The following SORBS2 variants were observed in gnomAD, a reference collection of about 807,000 sequenced individuals.
SORBS2 encodes the protein sorbin and SH3 domain-containing protein 2.
In SORBS2, 46 loss-of-function variants were observed where a neutral mutation model predicts 97.7. The observed-to-expected ratio is 0.47, with a 90% confidence interval of 0.37 to 0.60. The LOEUF is 0.60. SORBS2 is among the 20% of genes least tolerant of loss of function. The pLI is 0.00. For synonymous variants in SORBS2, 476 were observed against 473.4 expected (o/e 1.01, Z -0.07); for missense variants, 1,316 against 1,282.3 (o/e 1.03, Z -0.40).
intron 1 of SORBS2, among the ~76,000 whole-genome samples, chr4:185,801,492 CT>C (rs34002834): frequency 6.6e-6 from 1 of 152,118 alleles, no homozygotes; most frequent in Admixed American, 6.5e-5. Context: ...TATCTTTTGA[CT>C]TTTTGGTGAT....
intron 1 of SORBS2, among the ~76,000 whole-genome samples, chr4:185,797,773 C>T (rs1157483511): frequency 1.3e-5 from 2 of 152,182 alleles, no homozygotes; most frequent in African/African-American, 4.8e-5. Flanking sequence ...CATGCCCCCA[C>T]ACCACCCCAC....
chr4:185,758,838 G>A (rs778149195), intron 2 of SORBS2, among the ~76,000 whole-genome samples: 35 of 152,288 alleles, frequency 2.3e-4, no homozygotes, highest in Non-Finnish European at 4.6e-4. Context: ...GTAACCCTAT[G>A]GGCAACCCCC....
At chr4:185,784,706 G>A (rs1026767274) in intron 1 of SORBS2, among the ~76,000 whole-genome samples, 8 of 152,000 alleles carry the variant, frequency 5.3e-5, no homozygotes, top group East Asian at 1.9e-4. Context: ...CCGGCTGAAC[G>A]ACAGCAATAA....
At chr4:185,600,344 C>T (rs10049678) in intron 12 of SORBS2, among the ~76,000 whole-genome samples, 47,537 of 151,872 alleles carry the variant, frequency 0.31, 10,387 homozygotes, top group African/African-American at 0.62. Context: ...CTTTTTTTGT[C>T]TTTTATTTTT....
At chr4:185,741,207 G>A (rs141896854) in intron 2 of SORBS2, among the ~76,000 whole-genome samples, 2 of 151,902 alleles carry the variant, frequency 1.3e-5, no homozygotes, top group African/African-American at 4.8e-5. Flanking sequence ...CAGTAAAGAG[G>A]GGCATCGTTA....
At chr4:185,754,430 T>C (rs2098819039) in intron 2 of SORBS2, among the ~76,000 whole-genome samples, 1 of 152,134 alleles carries the variant, frequency 6.6e-6, no homozygotes, top group South Asian at 2.1e-4. Flanking sequence ...GCTATCAATC[T>C]ATCTATATAA....
intron 1 of SORBS2, among the ~76,000 whole-genome samples, chr4:185,828,577 C>T (rs147294470): frequency 1.3e-5 from 2 of 152,134 alleles, no homozygotes; most frequent in Middle Eastern, 3.4e-3. Flanking sequence ...CAGAGTTTCC[C>T]TGACAGGTAG....
chr4:185,822,773 T>C (rs2099197525), intron 1 of SORBS2, among the ~76,000 whole-genome samples: 1 of 152,180 alleles, frequency 6.6e-6, no homozygotes, highest in Non-Finnish European at 1.5e-5. Context: ...CTGCAAACCA[T>C]GCCCCTTGCC....
intron 11 of SORBS2, among the ~76,000 whole-genome samples, chr4:185,613,451 C>T (rs921994642): frequency 6.6e-6 from 1 of 152,048 alleles, no homozygotes; most frequent in Non-Finnish European, 1.5e-5. Context: ...AGTTCGAGAC[C>T]AGCCTGGCCA....
At chr4:185,865,114 A>T (rs1279593936) in intron 1 of SORBS2, among the ~76,000 whole-genome samples, 1 of 152,098 alleles carries the variant, frequency 6.6e-6, no homozygotes, top group Non-Finnish European at 1.5e-5. Flanking sequence ...TACCATGGGC[A>T]TCTTTCTGTT....
chr4:185,695,254 T>C (rs1038118264), intron 2 of SORBS2, among the ~76,000 whole-genome samples: 10 of 152,132 alleles, frequency 6.6e-5, no homozygotes, highest in Admixed American at 6.5e-4. Context: ...TTCCCCAGTT[T>C]TGGCTAAGAA....
At chr4:185,766,706 A>G (rs535269012) in intron 2 of SORBS2, among the ~76,000 whole-genome samples, 3 of 152,338 alleles carry the variant, frequency 2.0e-5, no homozygotes, top group African/African-American at 7.2e-5. Context: ...CGAATTTTTT[A>G]GGTTTGCAAA....
intron 1 of SORBS2, among the ~76,000 whole-genome samples, chr4:185,846,351 T>G (rs559475333): frequency 1.4e-4 from 21 of 152,212 alleles, no homozygotes; most frequent in South Asian, 8.3e-4. Flanking sequence ...AAAATAAAAC[T>G]ATAGGGACAG....
In SORBS2 at chr4:185,605,407, C is replaced by T. The variant is rs188561705; in HGVS notation, c.2796+6373G>A. 6.2e-3 allele frequency among the ~76,000 whole-genome samples: 951 copies of T among 152,260 alleles called. 13 individuals carry two copies. Among genetic ancestry groups the T allele is most frequent in the African/African-American group, 0.021 (878 of 41,548 alleles). On this transcript the variant is annotated intron_variant, in intron 12 of 14. Coordinates refer to ENST00000418609, the Ensembl canonical transcript of SORBS2. Reference sequence around the variant, plus strand: ...AAGCAGTTCTCCTGCCTCAGCCTCCCGAGTAGCTGGGATTACAGGCACCCA... The same window carrying T: ...AAGCAGTTCTCCTGCCTCAGCCTCCTGAGTAGCTGGGATTACAGGCACCCA...
chr4:185,650,670 T>A (rs2097298457), intron 2 of SORBS2, among the ~76,000 whole-genome samples: 1 of 152,180 alleles, frequency 6.6e-6, no homozygotes, highest in African/African-American at 2.4e-5. Flanking sequence ...CATGCACATT[T>A]CCACAGCAAA....
intron 2 of SORBS2, among the ~76,000 whole-genome samples, chr4:185,769,121 C>CA (rs1217107316): frequency 2.6e-5 from 4 of 151,130 alleles, no homozygotes; most frequent in Non-Finnish European, 5.9e-5. Flanking sequence ...AGGTGTAAGT[C>CA]AAAGGCACAT....
intron 1 of SORBS2, among the ~76,000 whole-genome samples, chr4:185,898,737 G>C (rs747724148): frequency 6.6e-6 from 1 of 152,206 alleles, no homozygotes; most frequent in Non-Finnish European, 1.5e-5. Context: ...CAGTTTAGCA[G>C]GAGGTAATAC....
intron 1 of SORBS2, among the ~76,000 whole-genome samples, chr4:185,793,850 G>A (rs2099092672): frequency 6.6e-6 from 1 of 152,194 alleles, no homozygotes; most frequent in African/African-American, 2.4e-5. Context: ...CTTTTACAGA[G>A]ACCAAGCCTG....
At chr4:185,857,398 C>A (rs1334194831) in intron 1 of SORBS2, among the ~76,000 whole-genome samples, 4 of 152,116 alleles carry the variant, frequency 2.6e-5, no homozygotes, top group Non-Finnish European at 4.4e-5. Flanking sequence ...ATGTATGTCA[C>A]CTCAGGACCC....
Sources: gnomAD v4.1 joint callset for allele counts (sites outside exome capture counted in the v4.1 genomes callset) on GRCh38, gnomAD v4.1.1 for gene constraint, MANE v1.5 for transcripts, NCBI Gene and HGNC (gene_info 2026-07-23, HGNC 2026-07-21) for gene names.